NELL1: variants seen among roughly 807,000 people sequenced by gnomAD.
The protein encoded by NELL1 is protein kinase C-binding protein NELL1.
Under a neutral mutation model 107.4 loss-of-function variants are expected in NELL1, and 76 were observed. That is an observed-to-expected ratio of 0.71 (90% CI 0.59 to 0.86). The LOEUF (loss-of-function observed/expected upper bound fraction) is 0.86. Among genes scored for constraint, NELL1 ranks in the 40% least tolerant of loss-of-function variants. The pLI is 0.00. For synonymous variants in NELL1, 353 were observed against 341.2 expected (o/e 1.03, Z -0.38); for missense variants, 1,024 against 1,005.5 (o/e 1.02, Z -0.25).
At chr11:21,042,885 ATTTC>A (rs1853269396) in intron 12 of NELL1, among the ~76,000 whole-genome samples, 2 of 152,066 alleles carry the variant, frequency 1.3e-5, no homozygotes, top group Non-Finnish European at 2.9e-5. Flanking sequence ...GCTTTGTGAG[ATTTC>A]ATTTCATTTG....
chr11:20,989,733 C>A (rs540248814), intron 12 of NELL1, among the ~76,000 whole-genome samples: 5 of 152,144 alleles, frequency 3.3e-5, no homozygotes, highest in Non-Finnish European at 7.3e-5. Flanking sequence ...TGGCTCACAC[C>A]TGTAATCACA....
intron 13 of NELL1, among the ~76,000 whole-genome samples, chr11:21,137,387 G>A (rs1169281212): frequency 2.0e-5 from 3 of 152,186 alleles, no homozygotes; most frequent in Non-Finnish European, 4.4e-5. Flanking sequence ...ACTGCTAGAG[G>A]ATCATACAGG....
intron 13 of NELL1, among the ~76,000 whole-genome samples, chr11:21,160,146 T>C (rs1036500968): frequency 1.9e-4 from 29 of 152,210 alleles, no homozygotes; most frequent in Non-Finnish European, 3.1e-4. Flanking sequence ...AGAGAGCATA[T>C]GTAGGTCTGC....
intron 15 of NELL1, among the ~76,000 whole-genome samples, chr11:21,381,932 T>G (rs1481966628): frequency 5.6e-5 from 7 of 125,738 alleles, no homozygotes; most frequent in African/African-American, 1.2e-4. Context: ...TTTTTTTTTT[T>G]TTGCTATTGT....
At chr11:21,019,723 C>T (rs1375430096) in intron 12 of NELL1, among the ~76,000 whole-genome samples, 1 of 152,020 alleles carries the variant, frequency 6.6e-6, no homozygotes, top group African/African-American at 2.4e-5. Context: ...GTGGTTGAGA[C>T]ACAATGATGT....
At position 21,102,141 on chromosome 11, in the gene NELL1, C is replaced by T. The variant is rs781595866; in HGVS notation, c.1301-11448C>T. 2.0e-4 allele frequency among the ~76,000 whole-genome samples: 31 copies of T among 152,320 alleles called. No homozygotes were observed. The Middle Eastern group carries it at 0.01, about 50-fold the overall frequency. ...GTGCTGGAATGACTGGCATGAGCCA[C>T]CACACCCGGCCAAAGTACAATGTTT... On this transcript the variant is annotated intron_variant, in intron 12 of 19. Transcript: ENST00000357134.
chr11:21,082,722 C>A (rs975408096), intron 12 of NELL1, among the ~76,000 whole-genome samples: 12 of 151,884 alleles, frequency 7.9e-5, no homozygotes, highest in Non-Finnish European at 1.6e-4. Context: ...CCCCTCCCCC[C>A]AAAAAAACAG....
intron 13 of NELL1, among the ~76,000 whole-genome samples, chr11:21,208,313 A>T (rs972258390): frequency 6.6e-6 from 1 of 151,990 alleles, no homozygotes; most frequent in Non-Finnish European, 1.5e-5. Context: ...CATAGTATGC[A>T]TAACTCCCGT....
intron 12 of NELL1, among the ~76,000 whole-genome samples, chr11:21,037,275 T>C (rs1017450859): frequency 6.6e-6 from 1 of 152,152 alleles, no homozygotes; most frequent in African/African-American, 2.4e-5. Context: ...TACTGGATAG[T>C]GCAGGTCTAG....
At chr11:20,861,985 AAGGATATATAATGTTT>A (rs1452827621) in intron 4 of NELL1, among the ~76,000 whole-genome samples, 3 of 152,210 alleles carry the variant, frequency 2.0e-5, no homozygotes, top group Non-Finnish European at 2.9e-5. Flanking sequence ...CTGAAACTAT[AAGGATATATAATGTTT>A]ACTTTAGAAG....
At chr11:20,959,243 A>G (rs1003715099) in intron 11 of NELL1, among the ~76,000 whole-genome samples, 1 of 152,216 alleles carries the variant, frequency 6.6e-6, no homozygotes, top group African/African-American at 2.4e-5. Context: ...CACGACCACC[A>G]TGGAAAACAG....
intron 2 of NELL1, among the ~76,000 whole-genome samples, chr11:20,733,114 C>T (rs1004602277): frequency 6.6e-6 from 1 of 152,174 alleles, no homozygotes; most frequent in Non-Finnish European, 1.5e-5. Context: ...TATATGGCTG[C>T]TATCCAAGTG....
At chr11:21,099,254 G>A (rs1240997414) in intron 12 of NELL1, among the ~76,000 whole-genome samples, 2 of 145,682 alleles carry the variant, frequency 1.4e-5, no homozygotes, top group South Asian at 2.3e-4. Flanking sequence ...CACACACACG[G>A]ATCAGCTGTC....
At chr11:20,876,067 G>A (rs1316854580) in intron 4 of NELL1, among the ~76,000 whole-genome samples, 1 of 152,138 alleles carries the variant, frequency 6.6e-6, no homozygotes, top group Non-Finnish European at 1.5e-5. Context: ...CACAGCAAAG[G>A]CATCTCCTTG....
chr11:21,474,625 TG>T (rs1294891742), intron 15 of NELL1, among the ~76,000 whole-genome samples: 1 of 152,174 alleles, frequency 6.6e-6, no homozygotes, highest in Non-Finnish European at 1.5e-5. Context: ...TCCCTTTCAC[TG>T]CACCAAAATT....
At chr11:21,342,446 A>C (rs1850590221) in intron 14 of NELL1, among the ~76,000 whole-genome samples, 1 of 149,338 alleles carries the variant, frequency 6.7e-6, no homozygotes. Context: ...GGAGTTCGAG[A>C]CCAGCCTGGG....
At chr11:20,985,462 A>G (rs1851834007) in intron 12 of NELL1, among the ~76,000 whole-genome samples, 1 of 152,186 alleles carries the variant, frequency 6.6e-6, no homozygotes, top group South Asian at 2.1e-4. Flanking sequence ...TGGAAAATCT[A>G]TGACTGCTGC....
At chr11:21,128,684 G>C (rs1342657704) in intron 13 of NELL1, among the ~76,000 whole-genome samples, 1 of 152,200 alleles carries the variant, frequency 6.6e-6, no homozygotes, top group African/African-American at 2.4e-5. Context: ...TACTATCAGT[G>C]TGAGAGGGGG....
At chr11:20,818,633 A>C (rs1857680050) in intron 3 of NELL1, among the ~76,000 whole-genome samples, 1 of 152,116 alleles carries the variant, frequency 6.6e-6, no homozygotes, top group Non-Finnish European at 1.5e-5. Context: ...CATGGTAGTA[A>C]TTACAGTTTT....
Sources: allele counts gnomAD v4.1 joint callset (sites outside exome capture counted in the v4.1 genomes callset), GRCh38; gene constraint gnomAD v4.1.1; transcripts MANE v1.5; gene names NCBI Gene and HGNC (gene_info 2026-07-23, HGNC 2026-07-21).